SLC41A2: variants seen among roughly 807,000 people sequenced by gnomAD.
SLC41A2 encodes solute carrier family 41 member 2.
In SLC41A2, 32 loss-of-function variants were observed where a neutral mutation model predicts 58.3. The observed-to-expected ratio is 0.55, with a 90% CI of 0.41 to 0.74. The LOEUF is 0.74. Among genes scored for constraint, SLC41A2 ranks in the 30% least tolerant of loss-of-function variants. SLC41A2 has a pLI of 0.00. For synonymous variants in SLC41A2, 190 were observed against 235.0 expected (o/e 0.81, Z 1.75); for missense variants, 514 against 680.6 (o/e 0.76, Z 2.72).
chr12:104,813,450 A>AAGTC (rs1275127009), intron 10 of SLC41A2, among the ~76,000 whole-genome samples: 1 of 152,188 alleles, frequency 6.6e-6, no homozygotes, highest in Non-Finnish European at 1.5e-5. Context: ...TGACAACTAG[A>AAGTC]AGTCAATAGA....
intron 10 of SLC41A2, among the ~76,000 whole-genome samples, chr12:104,809,493 C>T (rs1290643738): frequency 1.3e-5 from 2 of 152,186 alleles, no homozygotes; most frequent in Admixed American, 6.5e-5. Context: ...ACTTTAAGCC[C>T]TATTGTCTTT....
chr12:104,866,826 AAT>A (rs2043489689), intron 6 of SLC41A2, among the ~76,000 whole-genome samples: 1 of 152,140 alleles, frequency 6.6e-6, no homozygotes, highest in Non-Finnish European at 1.5e-5. Context: ...CCTACATGAA[AAT>A]AGCATAATAA....
chr12:104,822,933 A>G (rs2041695932), intron 10 of SLC41A2, among the ~76,000 whole-genome samples: 1 of 152,176 alleles, frequency 6.6e-6, no homozygotes, highest in Non-Finnish European at 1.5e-5. Flanking sequence ...GGGGCAAAGA[A>G]ATAACTGAGA....
rs1288859681 is a variant in SLC41A2 at position 104,803,101 on chromosome 12, G to A, written c.*2051C>T. 1 of 152,076 alleles carries A rather than the reference G, an allele frequency of 6.6e-6. No homozygotes were observed. The highest frequency in any genetic ancestry group is 1.5e-5 in the Non-Finnish European group (1 of 68,008). The allele number at this position is 152,076 out of a possible 1,614,324, so 9.4% of individuals were successfully genotyped here. A position where few individuals can be genotyped will look rare whatever the true frequency, so the allele number is the denominator to read the frequency against. Reference sequence around the variant, plus strand: ...GCACTGGAATGTGTAATATAATAAAGTTGTTGATTAATGCTTTAAAAATGT... The same window carrying A: ...GCACTGGAATGTGTAATATAATAAAATTGTTGATTAATGCTTTAAAAATGT... On this transcript the variant is annotated 3_prime_UTR_variant, in exon 11 of 11. Transcript: ENST00000258538.
At chr12:104,905,462 C>T (rs1271868227) in intron 3 of SLC41A2, among the ~76,000 whole-genome samples, 6 of 152,228 alleles carry the variant, frequency 3.9e-5, no homozygotes, top group African/African-American at 1.2e-4. Context: ...TAGTGGATCC[C>T]GCACCGGGGC....
At chr12:104,911,357 C>G (rs979917787) in intron 2 of SLC41A2, among the ~76,000 whole-genome samples, 1 of 151,958 alleles carries the variant, frequency 6.6e-6, no homozygotes, top group Non-Finnish European at 1.5e-5. Context: ...TAAATTGAGG[C>G]CTGTCTTGGA....
intron 1 of SLC41A2, among the ~76,000 whole-genome samples, chr12:104,951,738 T>C (rs1232174282): frequency 6.6e-6 from 1 of 151,744 alleles, no homozygotes; most frequent in Non-Finnish European, 1.5e-5. Context: ...TAAGCTCATA[T>C]GATTGATATA....
chr12:104,846,518 G>A (rs945591750), intron 8 of SLC41A2, among the ~76,000 whole-genome samples: 2 of 152,212 alleles, frequency 1.3e-5, no homozygotes, highest in African/African-American at 4.8e-5. Context: ...GAGTGCAGGA[G>A]AAAGAAGTTA....
intron 6 of SLC41A2, among the ~76,000 whole-genome samples, chr12:104,885,204 T>C (rs1434945033): frequency 6.6e-6 from 1 of 152,236 alleles, no homozygotes. Flanking sequence ...TCACTTAAAG[T>C]GGATGCAACC....
At chr12:104,932,970 T>C (rs1362755440) in intron 1 of SLC41A2, among the ~76,000 whole-genome samples, 7 of 152,026 alleles carry the variant, frequency 4.6e-5, no homozygotes, top group Admixed American at 4.6e-4. Context: ...TGGACATTGG[T>C]GTAGGCAAAG....
rs894103087 is a variant in SLC41A2, at chr12:104,833,536, T to C, written c.1536+10936A>G. On this transcript the variant is annotated intron_variant, in intron 10 of 10. Transcript: ENST00000258538. The stretch of plus-strand genomic sequence containing the variant: ...TTCAGCTTTGTCTTTTTATTTCAGT[T>C]ACTGAGTGACGGTCTCACCATCCTT... Among the ~76,000 whole-genome samples the C allele has an allele frequency of 6.6e-5, 10 of 152,198 alleles. No individual in the cohort carries two copies. In the East Asian group the frequency reaches 1.9e-3, roughly 29 times the overall value.
rs556287497 is a variant in SLC41A2 at position 104,854,903 on chromosome 12, T to G, written c.1255+6388A>C. On this transcript the variant is annotated intron_variant, in intron 8 of 10. Coordinates refer to ENST00000258538, the MANE Select transcript of SLC41A2 (RefSeq NM_001352171.3). ...CGTATCTGTGTATTTTCACCTGTCT[T>G]TCTTCAAGACTCCTTTTCTTACCAC... Among the ~76,000 whole-genome samples, 47 of 152,112 alleles carry G rather than the reference T, an allele frequency of 3.1e-4. 1 individual carries two copies. In the South Asian group the frequency reaches 9.7e-3, roughly 32 times the overall value.
chr12:104,894,734 A>G (rs894478501), intron 4 of SLC41A2, among the ~76,000 whole-genome samples: 6 of 152,192 alleles, frequency 3.9e-5, no homozygotes, highest in Non-Finnish European at 8.8e-5. Flanking sequence ...TGAAGGCAGA[A>G]GAAAAAGAGA....
chr12:104,873,187 CT>C (rs1316621836), intron 6 of SLC41A2, among the ~76,000 whole-genome samples: 12 of 152,270 alleles, frequency 7.9e-5, no homozygotes, highest in African/African-American at 1.4e-4. Context: ...ACCTCCACCC[CT>C]AACCCCCATC....
rs753087437 is a variant in SLC41A2 at position 104,844,628 on chromosome 12, A to G, written c.1388-8T>C. The G allele has an allele frequency of 1.4e-6, 2 of 1,467,848 alleles. No homozygotes were observed. The highest frequency in any genetic ancestry group is 4.9e-5 in the East Asian group (2 of 40,666). 90.9% of individuals were successfully genotyped at this position (1,467,848 alleles called of 1,614,324 possible). ...CAGACTTATTATTTACTCCTGTAATATAAAATGTAAAAGTAATTAAAACAA... is the reference window on the plus strand; with the variant it reads ...CAGACTTATTATTTACTCCTGTAATGTAAAATGTAAAAGTAATTAAAACAA... On this transcript the variant is annotated splice_region_variant and splice_polypyrimidine_tract_variant and intron_variant, in intron 9 of 10. Coordinates refer to ENST00000258538, the MANE Select transcript of SLC41A2 (RefSeq NM_001352171.3).
intron 3 of SLC41A2, among the ~76,000 whole-genome samples, chr12:104,907,065 G>C (rs1294777449): frequency 9.0e-6 from 1 of 110,580 alleles, no homozygotes; most frequent in Non-Finnish European, 2.0e-5. Flanking sequence ...TGCCTGCCTT[G>C]TTATTCATGT....
intron 10 of SLC41A2, among the ~76,000 whole-genome samples, chr12:104,836,519 T>C (rs547072159): frequency 6.6e-6 from 1 of 152,304 alleles, no homozygotes; most frequent in Admixed American, 6.5e-5. Context: ...GCAGTACCAT[T>C]TTCCTCTGAA....
At chr12:104,896,836 G>C (rs994549792) in intron 3 of SLC41A2, among the ~76,000 whole-genome samples, 2 of 152,182 alleles carry the variant, frequency 1.3e-5, no homozygotes, top group African/African-American at 4.8e-5. Context: ...TATAGCTTCA[G>C]GTGACAGTCT....
At chr12:104,890,102 C>T (rs1329376187) in intron 4 of SLC41A2, among the ~76,000 whole-genome samples, 1 of 152,148 alleles carries the variant, frequency 6.6e-6, no homozygotes, top group African/African-American at 2.4e-5. Context: ...CACAGAGGCA[C>T]TCAATATTTT....
Sources: gnomAD v4.1 joint callset for allele counts (sites outside exome capture counted in the v4.1 genomes callset) on GRCh38, gnomAD v4.1.1 for gene constraint, MANE v1.5 for transcripts, NCBI Gene and HGNC (gene_info 2026-07-23, HGNC 2026-07-21) for gene names.